The following SMYD3 variants were observed in gnomAD, a reference collection of about 807,000 sequenced individuals.
SMYD3 encodes the protein SET and MYND domain containing 3.
In SMYD3, 36 loss-of-function variants were observed where a neutral mutation model predicts 57.7. That is an observed-to-expected ratio of 0.62 (90% CI 0.48 to 0.82). SMYD3 has a LOEUF of 0.82. Ranked by LOEUF, SMYD3 falls within the 40% of genes least tolerant of loss-of-function variation. The pLI, the probability that SMYD3 is intolerant of heterozygous loss-of-function variation, is 0.00. For synonymous variants in SMYD3, 211 were observed against 195.0 expected (o/e 1.08, Z -0.68); for missense variants, 515 against 538.8 (o/e 0.96, Z 0.44).
chr1:246,369,071 G>A (rs1052200074), intron 1 of SMYD3, among the ~76,000 whole-genome samples: 1 of 152,086 alleles, frequency 6.6e-6, no homozygotes, highest in Admixed American at 6.6e-5. Flanking sequence ...CAAAACCACT[G>A]AACTAAAATG....
At chr1:245,874,261 A>G (rs2148525750) in intron 8 of SMYD3, among the ~76,000 whole-genome samples, 1 of 152,322 alleles carries the variant, frequency 6.6e-6, no homozygotes, top group South Asian at 2.1e-4. Flanking sequence ...CATTCCCTCT[A>G]ACATTTGTAT....
At chr1:246,301,142 G>A (rs2064886749) in intron 5 of SMYD3, among the ~76,000 whole-genome samples, 1 of 152,068 alleles carries the variant, frequency 6.6e-6, no homozygotes, top group Non-Finnish European at 1.5e-5. Flanking sequence ...ACCCAAATCT[G>A]CCTATTAAGC....
At chr1:246,477,846 A>T (rs2103055488) in intron 1 of SMYD3, among the ~76,000 whole-genome samples, 1 of 152,318 alleles carries the variant, frequency 6.6e-6, no homozygotes, top group East Asian at 1.9e-4. Flanking sequence ...CTCAGAATGA[A>T]TCTGTAATTT....
At chr1:246,334,118 T>G (rs183074315) in intron 3 of SMYD3, among the ~76,000 whole-genome samples, 1 of 152,218 alleles carries the variant, frequency 6.6e-6, no homozygotes, top group South Asian at 2.1e-4. Flanking sequence ...TATCTACTGT[T>G]AGTGGGAATG....
chr1:245,797,659 G>C (rs1338056513), intron 10 of SMYD3, among the ~76,000 whole-genome samples: 1 of 151,418 alleles, frequency 6.6e-6, no homozygotes, highest in Non-Finnish European at 1.5e-5. Flanking sequence ...ATGTACCCTA[G>C]AACTTAAAGT....
chr1:246,472,930 T>C (rs932673559), intron 1 of SMYD3, among the ~76,000 whole-genome samples: 3 of 142,674 alleles, frequency 2.1e-5, no homozygotes, highest in Admixed American at 7.4e-5. Flanking sequence ...CAATCTCAGC[T>C]CACTGCAACC....
chr1:245,806,895 C>T (rs549941580), intron 10 of SMYD3, among the ~76,000 whole-genome samples: 59 of 109,500 alleles, frequency 5.4e-4, no homozygotes, highest in African/African-American at 7.0e-4. Context: ...CCGGCCTGGG[C>T]GACAGAGCGA....
At chr1:245,923,011 A>C (rs1572699366) in intron 7 of SMYD3, among the ~76,000 whole-genome samples, 1 of 152,274 alleles carries the variant, frequency 6.6e-6, no homozygotes, top group East Asian at 1.9e-4. Flanking sequence ...TCACCCTATA[A>C]ATATTCCCTA....
At chr1:246,451,808 T>C (rs1367108561) in intron 1 of SMYD3, among the ~76,000 whole-genome samples, 2 of 152,280 alleles carry the variant, frequency 1.3e-5, no homozygotes, top group Non-Finnish European at 2.9e-5. Flanking sequence ...AAAAGTAGTT[T>C]TTTTTAGTCA....
chr1:245,998,960 C>A (rs899317003), intron 5 of SMYD3, among the ~76,000 whole-genome samples: 1 of 151,960 alleles, frequency 6.6e-6, no homozygotes, highest in South Asian at 2.1e-4. Flanking sequence ...CTCACAGAGA[C>A]GCAAAACAGA....
At chr1:246,363,411 T>G (rs1453317104) in intron 1 of SMYD3, among the ~76,000 whole-genome samples, 2 of 152,094 alleles carry the variant, frequency 1.3e-5, no homozygotes, top group African/African-American at 2.4e-5. Flanking sequence ...CCACCCCGTC[T>G]GGGAGGTGTA....
chr1:246,044,091 G>C (rs1391645797), intron 5 of SMYD3, among the ~76,000 whole-genome samples: 1 of 152,126 alleles, frequency 6.6e-6, no homozygotes, highest in African/African-American at 2.4e-5. Context: ...AAAACGGAGA[G>C]AGATCATTCC....
intron 5 of SMYD3, among the ~76,000 whole-genome samples, chr1:246,316,804 G>A (rs1015224851): frequency 6.6e-6 from 1 of 150,634 alleles, no homozygotes; most frequent in Admixed American, 6.6e-5. Context: ...GACCATCCTG[G>A]CCAACATGGT....
At chr1:245,945,154 G>C (rs140584933) in intron 5 of SMYD3, among the ~76,000 whole-genome samples, 144 of 152,184 alleles carry the variant, frequency 9.5e-4, no homozygotes, top group African/African-American at 3.3e-3. Context: ...TAATTAAAGA[G>C]CTTTCGCACA....
chr1:246,299,419 T>C (rs1049804418), intron 5 of SMYD3, among the ~76,000 whole-genome samples: 6 of 152,116 alleles, frequency 3.9e-5, no homozygotes, highest in Non-Finnish European at 7.4e-5. Context: ...TCAACCATTG[T>C]GGAAAACAGT....
intron 10 of SMYD3, among the ~76,000 whole-genome samples, chr1:245,818,171 G>A (rs2048959374): frequency 1.3e-5 from 2 of 152,296 alleles, no homozygotes; most frequent in Non-Finnish European, 2.9e-5. Flanking sequence ...CCCTCAAAGG[G>A]AAGCCCATCA....
intron 5 of SMYD3, among the ~76,000 whole-genome samples, chr1:246,130,334 A>G (rs998870101): frequency 6.6e-6 from 1 of 152,150 alleles, no homozygotes; most frequent in East Asian, 1.9e-4. Flanking sequence ...TTGAGCTCCC[A>G]TTTATAAGCC....
At chr1:246,374,025 C>T (rs1453669125) in intron 1 of SMYD3, among the ~76,000 whole-genome samples, 1 of 152,136 alleles carries the variant, frequency 6.6e-6, no homozygotes, top group Non-Finnish European at 1.5e-5. Context: ...ATTGTTTACC[C>T]AAAAACCACC....
intron 5 of SMYD3, among the ~76,000 whole-genome samples, chr1:246,167,500 C>G (rs962044272): frequency 1.3e-5 from 2 of 150,598 alleles, no homozygotes; most frequent in East Asian, 2.0e-4. Context: ...CACCTCATTA[C>G]GGTTTTTTTT....
Sources: gnomAD v4.1 joint callset for allele counts (sites outside exome capture counted in the v4.1 genomes callset) on GRCh38, gnomAD v4.1.1 for gene constraint, MANE v1.5 for transcripts, NCBI Gene and HGNC (gene_info 2026-07-23, HGNC 2026-07-21) for gene names.